Variants in SMAD6 observed in about 807,000 individuals in gnomAD.
SMAD6 encodes the protein MAD homolog 6.
A neutral mutation model predicts 39.4 loss-of-function variants in SMAD6; 103 were observed. That is an observed-to-expected ratio of 2.62 (90% CI 2.23 to 3.08). The LOEUF is 3.08. Among genes scored for constraint, SMAD6 ranks in the 30% most tolerant of loss-of-function variants. The pLI is 0.00. For missense variants in SMAD6, 1,104 were observed against 742.9 expected, an observed-to-expected ratio of 1.49 and a Z score of -5.65; for synonymous variants, 445 against 353.3, an observed-to-expected ratio of 1.26 and a Z score of -2.91.
chr15:66,733,940 C>T (rs189017897), intron 3 of SMAD6, among the ~76,000 whole-genome samples: 24 of 152,294 alleles, frequency 1.6e-4, no homozygotes, highest in Admixed American at 1.6e-3. Flanking sequence ...CCTCATTTTA[C>T]AGAACTGACA....
chr15:66,703,552 C>A lies in SMAD6; in HGVS notation c.294C>A (p.Ala98=). The change falls in exon 1 of 4, where the codon GCC becomes GCA. Residue 98 remains alanine, a synonymous_variant. Transcript: ENST00000288840. ...GPPRPMSEPG[A]GAGSSLLDVA... ...CGAGGCCCATGTCGGAGCCAGGGGC[C>A]GGCGCTGGGAGCTCCCTGCTGGACG... 1 of 1,221,882 alleles carries A rather than the reference C, an allele frequency of 8.2e-7. No homozygotes were observed. Among genetic ancestry groups the A allele is most frequent in the Non-Finnish European group, 1.0e-6 (1 of 979,110 alleles). 75.7% of individuals were successfully genotyped at this position (1,221,882 alleles called of 1,614,324 possible). A position where few individuals can be genotyped will look rare whatever the true frequency, so the allele number is the denominator to read the frequency against.
intron 3 of SMAD6, among the ~76,000 whole-genome samples, chr15:66,730,587 G>A (rs1893609696): frequency 6.7e-6 from 1 of 149,204 alleles, no homozygotes; most frequent in African/African-American, 2.5e-5. Flanking sequence ...TCATGCAGGA[G>A]GACATGGTGT....
At chr15:66,712,507 T>C (rs949231582) in intron 2 of SMAD6, among the ~76,000 whole-genome samples, 2 of 151,968 alleles carry the variant, frequency 1.3e-5, no homozygotes, top group African/African-American at 2.4e-5. Flanking sequence ...GGTGAAACCC[T>C]GTCTCTACTA....
chr15:66,760,380 G>A (rs1017696397), intron 3 of SMAD6, among the ~76,000 whole-genome samples: 3 of 152,182 alleles, frequency 2.0e-5, no homozygotes, highest in South Asian at 2.1e-4. Flanking sequence ...GACTCCCTGC[G>A]TGCCAGAGCA....
chr15:66,714,823 G>A (rs189015784), intron 2 of SMAD6, among the ~76,000 whole-genome samples: 9 of 152,270 alleles, frequency 5.9e-5, no homozygotes, highest in Non-Finnish European at 1.3e-4. Context: ...TGTGAAAGGT[G>A]GAAACCGCTT....
chr15:66,756,618 A>T (rs977535404), intron 3 of SMAD6, among the ~76,000 whole-genome samples: 1 of 152,078 alleles, frequency 6.6e-6, no homozygotes, highest in Non-Finnish European at 1.5e-5. Flanking sequence ...CCTCCCCTCC[A>T]TCCCACATAC....
Position 66,747,859 on chromosome 15 carries a change from C to G in SMAD6, c.952+31361C>G, listed in dbSNP as rs1360581118. On this transcript the variant is annotated intron_variant, in intron 3 of 3. Coordinates refer to ENST00000288840, the MANE Select transcript of SMAD6 (RefSeq NM_005585.5). The surrounding 1 kb of genome is among the most constrained non-coding windows in gnomAD (Gnocchi z 4.5). ...GCAGCCATCTGTCCCTCGTAGGAACCCTTAATCCTTCCCATTCTCACCCCT... is the reference window on the plus strand; with the variant it reads ...GCAGCCATCTGTCCCTCGTAGGAACGCTTAATCCTTCCCATTCTCACCCCT... 6.6e-6 allele frequency among the ~76,000 whole-genome samples: 1 copy of G among 152,152 alleles called. No individual in the cohort carries two copies. The highest frequency in any genetic ancestry group is 1.5e-5 in the Non-Finnish European group (1 of 68,022).
intron 3 of SMAD6, among the ~76,000 whole-genome samples, chr15:66,724,411 G>C (rs1205485669): frequency 6.6e-6 from 1 of 152,128 alleles, no homozygotes; most frequent in East Asian, 1.9e-4. Context: ...AGCTAACACA[G>C]AGTACCTGTG....
intron 3 of SMAD6, among the ~76,000 whole-genome samples, chr15:66,722,282 G>A (rs1893448411): frequency 6.6e-6 from 1 of 152,234 alleles, no homozygotes; most frequent in Non-Finnish European, 1.5e-5. Context: ...GTGGGTCTGG[G>A]GTGCTGTATG....
chr15:66,717,177 A>G (rs1284793508), intron 3 of SMAD6: 7 of 1,281,204 alleles, frequency 5.5e-6, no homozygotes, highest in Non-Finnish European at 6.1e-6. Flanking sequence ...GGCCAGGACC[A>G]AGGTCTGTGG....
intron 3 of SMAD6, among the ~76,000 whole-genome samples, chr15:66,735,510 A>G (rs530833600): frequency 1.3e-5 from 2 of 152,320 alleles, no homozygotes; most frequent in South Asian, 4.1e-4. Context: ...ATAACTGTTG[A>G]ATCTGGGTGA....
In SMAD6 at chr15:66,703,858, C is replaced by CGTGCCGGGCGGCTGCGTGCTG. The variant is rs1893042208; in HGVS notation, c.607_627dup (p.Gly203_Pro209dup). On this transcript the variant is annotated inframe_insertion, in exon 1 of 4. Coordinates refer to ENST00000288840, the MANE Select transcript of SMAD6 (RefSeq NM_005585.5). ...TGGAGGCGGTGGAGTCCCGCGGCGG[C>CGTGCCGGGCGGCTGCGTGCTG]GTGCCGGGCGGCTGCGTGCTGGTGC... 5 of 1,346,292 alleles carry CGTGCCGGGCGGCTGCGTGCTG rather than the reference C, an allele frequency of 3.7e-6. No homozygotes were observed. Among genetic ancestry groups the CGTGCCGGGCGGCTGCGTGCTG allele is most frequent in the African/African-American group, 1.5e-5 (1 of 66,272 alleles). 83.4% of individuals were successfully genotyped at this position (1,346,292 alleles called of 1,614,324 possible).
intron 3 of SMAD6, among the ~76,000 whole-genome samples, chr15:66,774,554 G>A (rs1894432902): frequency 6.6e-6 from 1 of 152,196 alleles, no homozygotes; most frequent in Non-Finnish European, 1.5e-5. Context: ...GCCACCGGGA[G>A]GGAACAGGGC....
intron 3 of SMAD6, among the ~76,000 whole-genome samples, chr15:66,760,001 C>G (rs1894170208): frequency 6.6e-6 from 1 of 152,216 alleles, no homozygotes; most frequent in African/African-American, 2.4e-5. Flanking sequence ...CTTCTGCAAT[C>G]TGGTCAAACG....
At chr15:66,760,651 T>C (rs1460472381) in intron 3 of SMAD6, among the ~76,000 whole-genome samples, 1 of 152,156 alleles carries the variant, frequency 6.6e-6, no homozygotes, top group Non-Finnish European at 1.5e-5. Context: ...GGATTTGAAC[T>C]GAGGTCCTTG....
rs758379176 is a variant in SMAD6, at chr15:66,781,082, C to G, written c.1038C>G (p.Leu346=). The change falls in exon 4 of 4, where the codon CTC becomes CTG. Residue 346 remains leucine (L), a synonymous_variant. Transcript: ENST00000288840. ...AGCACCGGACGCGCGTGGGCCGCCT[C>G]TATGCGGTGTACGACCAGGCCGTCA... ...YWEHRTRVGR[L]YAVYDQAVSI... 6.2e-7 allele frequency: 1 copy of G among 1,607,464 alleles called. No individual in the cohort carries two copies. Among genetic ancestry groups the G allele is most frequent in the South Asian group, 1.1e-5 (1 of 90,698 alleles).
intron 3 of SMAD6, among the ~76,000 whole-genome samples, chr15:66,755,961 G>A (rs1385657610): frequency 6.6e-6 from 1 of 152,066 alleles, no homozygotes; most frequent in Non-Finnish European, 1.5e-5. Flanking sequence ...CCCACAGTGG[G>A]GTTAAACAGA....
intron 3 of SMAD6, among the ~76,000 whole-genome samples, chr15:66,767,951 A>G (rs187263654): frequency 2.1e-4 from 30 of 143,826 alleles, no homozygotes; most frequent in Admixed American, 2.1e-4. Flanking sequence ...GATTATCCCA[A>G]GCTGCATCTT....
intron 3 of SMAD6, among the ~76,000 whole-genome samples, chr15:66,742,963 C>T (rs1893841632): frequency 6.6e-6 from 1 of 152,188 alleles, no homozygotes; most frequent in South Asian, 2.1e-4. Context: ...AGCTGCCCTT[C>T]CACAGTTAGC....
Sources: gnomAD v4.1 joint callset for allele counts (sites outside exome capture counted in the v4.1 genomes callset) on GRCh38, gnomAD v4.1.1 for gene constraint, Gnocchi (gnomAD v3.1) non-coding constraint, MANE v1.5 for transcripts, NCBI Gene and HGNC (gene_info 2026-07-23, HGNC 2026-07-21) for gene names.